Variants in KATNAL1 observed in about 807,000 individuals in gnomAD.
The protein encoded by KATNAL1 is katanin p60 ATPase-containing subunit A-like 1.
A neutral mutation model predicts 55.2 loss-of-function variants in KATNAL1; 32 were observed. The ratio of observed to expected loss-of-function variants is 0.58; its 90% CI spans 0.44 to 0.78. KATNAL1 has a LOEUF of 0.78. Ranked by LOEUF, KATNAL1 falls within the 30% of genes least tolerant of loss-of-function variation. The pLI is 0.00. For synonymous variants in KATNAL1, 193 were observed against 193.6 expected, an observed-to-expected ratio of 1.00 and a Z score of 0.02; for missense variants, 466 against 600.9, an observed-to-expected ratio of 0.78 and a Z score of 2.35.
chr13:30,275,702 G>A (rs1880791470), intron 3 of KATNAL1, among the ~76,000 whole-genome samples: 1 of 151,892 alleles, frequency 6.6e-6, no homozygotes, highest in African/African-American at 2.4e-5. Context: ...TAGATCTTAA[G>A]TGTTCTCACC....
intron 3 of KATNAL1, among the ~76,000 whole-genome samples, chr13:30,269,379 C>CA (rs1880057413): frequency 1.3e-5 from 2 of 152,244 alleles, no homozygotes; most frequent in African/African-American, 4.8e-5. Flanking sequence ...CTGGTTCACT[C>CA]AGTGCTCAAT....
chr13:30,262,389 A>G (rs1400012435), intron 3 of KATNAL1, among the ~76,000 whole-genome samples: 4 of 152,196 alleles, frequency 2.6e-5, no homozygotes, highest in African/African-American at 9.6e-5. Context: ...TGAAGGAAAT[A>G]GAGACACAAA....
At chr13:30,223,298 C>T (rs12870695) in intron 9 of KATNAL1, among the ~76,000 whole-genome samples, 28,776 of 150,468 alleles carry the variant, frequency 0.19, 3,078 homozygotes, top group East Asian at 0.34. Flanking sequence ...AAAAATTAGC[C>T]GGGAATGGTG....
At position 30,213,884 on chromosome 13, in the gene KATNAL1, C is replaced by T. The variant is rs568679084; in HGVS notation, c.1148-3442G>A. The stretch of plus-strand genomic sequence containing the variant: ...GGCACAAGACAGGGATGCCCTCTCT[C>T]ACCACTCCTATTCAACATAGTGTTG... On this transcript the variant is annotated intron_variant, in intron 9 of 10. Transcript: ENST00000380615. 2.3e-3 allele frequency among the ~76,000 whole-genome samples: 349 copies of T among 152,276 alleles called. 1 individual carries two copies. The highest frequency in any genetic ancestry group is 7.3e-3 in the African/African-American group (304 of 41,568).
chr13:30,234,730 C>T (rs368248132), intron 6 of KATNAL1, among the ~76,000 whole-genome samples: 1 of 152,296 alleles, frequency 6.6e-6, no homozygotes, highest in East Asian at 1.9e-4. Flanking sequence ...TACTGAAACA[C>T]ATTTTGTTTC....
At chr13:30,232,420 A>G (rs912584702) in intron 6 of KATNAL1, among the ~76,000 whole-genome samples, 3 of 152,186 alleles carry the variant, frequency 2.0e-5, no homozygotes, top group Non-Finnish European at 4.4e-5. Context: ...ATGCTTTTCT[A>G]GCTATAGAAT....
chr13:30,269,898 G>A (rs990921913), intron 3 of KATNAL1, among the ~76,000 whole-genome samples: 4 of 151,454 alleles, frequency 2.6e-5, no homozygotes, highest in Middle Eastern at 3.4e-3. Flanking sequence ...GTCCAGGAGG[G>A]GGGGGTCAGC....
chr13:30,255,079 C>A (rs1878662169), intron 4 of KATNAL1, among the ~76,000 whole-genome samples: 1 of 152,192 alleles, frequency 6.6e-6, no homozygotes, highest in Admixed American at 6.5e-5. Context: ...TCATCTTATT[C>A]TGTGAACAGA....
At chr13:30,217,610 C>T (rs1488454506) in intron 9 of KATNAL1, among the ~76,000 whole-genome samples, 1 of 152,154 alleles carries the variant, frequency 6.6e-6, no homozygotes, top group Non-Finnish European at 1.5e-5. Context: ...TCATACACTC[C>T]TTATACAACT....
At chr13:30,265,632 G>A (rs1205341476) in intron 3 of KATNAL1, among the ~76,000 whole-genome samples, 2 of 151,560 alleles carry the variant, frequency 1.3e-5, no homozygotes, top group Non-Finnish European at 2.9e-5. Context: ...TTTCCTTAAA[G>A]CTTTCAGATT....
At chr13:30,266,552 A>G (rs1879800032) in intron 3 of KATNAL1, among the ~76,000 whole-genome samples, 1 of 152,208 alleles carries the variant, frequency 6.6e-6, no homozygotes, top group Non-Finnish European at 1.5e-5. Flanking sequence ...CATGCATGAA[A>G]AAAATCACAA....
At chr13:30,210,111 C>A (rs934772996) in intron 10 of KATNAL1, among the ~76,000 whole-genome samples, 6 of 150,948 alleles carry the variant, frequency 4.0e-5, no homozygotes, top group African/African-American at 1.5e-4. Flanking sequence ...TCAAAAACAT[C>A]AACGACCACT....
intron 1 of KATNAL1, among the ~76,000 whole-genome samples, chr13:30,301,184 A>G (rs774527420): frequency 2.0e-5 from 3 of 152,152 alleles, no homozygotes; most frequent in Admixed American, 6.5e-5. Flanking sequence ...CCTGGCCAAC[A>G]TGGCAAAACC....
intron 1 of KATNAL1, among the ~76,000 whole-genome samples, chr13:30,292,032 T>C (rs1330103640): frequency 1.3e-5 from 2 of 151,206 alleles, no homozygotes; most frequent in Non-Finnish European, 2.9e-5. Context: ...CGAAACTCCA[T>C]CTCAAAAAAA....
At chr13:30,271,810 A>C (rs1880383246) in intron 3 of KATNAL1, among the ~76,000 whole-genome samples, 1 of 151,042 alleles carries the variant, frequency 6.6e-6, no homozygotes, top group African/African-American at 2.4e-5. Flanking sequence ...AGGGCTCACA[A>C]AGCTAAGGAC....
intron 6 of KATNAL1, among the ~76,000 whole-genome samples, chr13:30,232,985 T>C (rs1876255844): frequency 6.6e-6 from 1 of 152,106 alleles, no homozygotes; most frequent in Non-Finnish European, 1.5e-5. Context: ...AAAATCAAAA[T>C]AGGTTAAAAA....
intron 4 of KATNAL1, among the ~76,000 whole-genome samples, chr13:30,244,133 A>G (rs1877552245): frequency 7.2e-6 from 1 of 138,712 alleles, no homozygotes; most frequent in African/African-American, 2.7e-5. Context: ...CCCTGTATCC[A>G]TGTCTTCTCA....
rs1214570235 is a variant in KATNAL1 at position 30,205,195 on chromosome 13, AC to A, written c.*3344del. ...AAACTTTTATATATTTTTCCAAAGC[AC>A]AAACAGATTACTATGCCTCTCCATC... On this transcript the variant is annotated 3_prime_UTR_variant, in exon 11 of 11. Coordinates refer to ENST00000380615, the MANE Select transcript of KATNAL1 (RefSeq NM_032116.5). 1 of 152,250 alleles carries A rather than the reference AC, an allele frequency of 6.6e-6. No homozygotes were observed. Among genetic ancestry groups the A allele is most frequent in the African/African-American group, 2.4e-5 (1 of 41,466 alleles). 9.4% of individuals were successfully genotyped at this position (152,250 alleles called of 1,614,324 possible). A position where few individuals can be genotyped will look rare whatever the true frequency, so the allele number is the denominator to read the frequency against.
Position 30,205,750 on chromosome 13 carries a change from CTGTGTGTG to C in KATNAL1, c.*2782_*2789del, listed in dbSNP as rs143277319. On this transcript the variant is annotated 3_prime_UTR_variant, in exon 11 of 11. Coordinates refer to ENST00000380615, the MANE Select transcript of KATNAL1 (RefSeq NM_032116.5). Reference sequence around the variant, plus strand: ...AACACACTGTCTTCTGCAATAAAGACTGTGTGTGTGTGTGTGTGTGTGTGTGTGTGTGT... The same window carrying C: ...AACACACTGTCTTCTGCAATAAAGACTGTGTGTGTGTGTGTGTGTGTGTGT... The C allele has an allele frequency of 0.029, 3,973 of 137,460 alleles. 154 individuals carry two copies. The highest frequency in any genetic ancestry group is 0.095 in the African/African-American group (3,398 of 35,910). 8.5% of individuals were successfully genotyped at this position (137,460 alleles called of 1,614,324 possible).
Sources: gnomAD v4.1 joint callset for allele counts (sites outside exome capture counted in the v4.1 genomes callset) on GRCh38, gnomAD v4.1.1 for gene constraint, MANE v1.5 for transcripts, NCBI Gene and HGNC (gene_info 2026-07-23, HGNC 2026-07-21) for gene names.